LYRM4: variants seen among roughly 807,000 people sequenced by gnomAD.
The protein encoded by LYRM4 is LYR motif-containing protein 4.
In LYRM4, 9 loss-of-function variants were observed where a neutral mutation model predicts 11.7. The observed-to-expected ratio is 0.77, with a 90% CI of 0.46 to 1.34. The LOEUF is 1.34. Ranked by LOEUF, LYRM4 falls within the 40% of genes most tolerant of loss-of-function variation. The probability of loss-of-function intolerance (pLI) is 0.00; values close to 1 mark genes in which losing one functional copy is unlikely to be tolerated. For synonymous variants in LYRM4, 42 were observed against 40.4 expected, an observed-to-expected ratio of 1.04 and a Z score of -0.15; for missense variants, 133 against 112.5, an observed-to-expected ratio of 1.18 and a Z score of -0.82.
the LYRM4 span, among the ~76,000 whole-genome samples, chr6:5,064,175 A>C: frequency 1.3e-5 from 2 of 150,084 alleles, no homozygotes; most frequent in Admixed American, 6.7e-5. Context: ...AGGTTTTTGG[A>C]ATTTTATCCC....
intron 2 of LYRM4, among the ~76,000 whole-genome samples, chr6:5,189,829 A>G (rs1381306530): frequency 6.6e-6 from 1 of 152,230 alleles, no homozygotes; most frequent in Admixed American, 6.5e-5. Context: ...GTTCTCCCCA[A>G]TCCAGGGTTT....
rs201988392 is a variant in LYRM4 at position 5,183,369 on chromosome 6, AT to A, written c.207+33248del. On this transcript the variant is annotated intron_variant, in intron 2 of 2. Coordinates refer to ENST00000330636, the MANE Select transcript of LYRM4 (RefSeq NM_020408.6). ...AATTCTGCAGCTTTCAGTGGCATGC[AT>A]TTTTTTTTATCCTTAGTCAGTGAAA... is the stretch of plus-strand genomic sequence containing the variant. 4.2e-3 allele frequency among the ~76,000 whole-genome samples: 641 copies of A among 151,580 alleles called. 2 individuals carry two copies. Among genetic ancestry groups the A allele is most frequent in the African/African-American group, 0.015 (613 of 41,358 alleles).
At chr6:5,093,781 C>A in the LYRM4 span, among the ~76,000 whole-genome samples, 1 of 152,190 alleles carries the variant, frequency 6.6e-6, no homozygotes, top group Non-Finnish European at 1.5e-5. Flanking sequence ...CAAGGGAGAC[C>A]CAATTTCATG....
intron 1 of LYRM4, among the ~76,000 whole-genome samples, chr6:5,228,054 G>C (rs757074798): frequency 1.4e-4 from 21 of 152,138 alleles, no homozygotes; most frequent in Non-Finnish European, 3.1e-4. Flanking sequence ...AAACCTAGAT[G>C]ATGGGTTGAT....
chr6:5,136,754 T>C (rs1757121991), intron 2 of LYRM4: 1 of 985,454 alleles, frequency 1.0e-6, no homozygotes, highest in Non-Finnish European at 1.2e-6. Context: ...GTAGGAAGAC[T>C]GGGTAGACTT....
At chr6:5,070,964 G>T in the LYRM4 span, among the ~76,000 whole-genome samples, 39,059 of 151,478 alleles carry the variant, frequency 0.26, 5,139 homozygotes, top group Middle Eastern at 0.32. Flanking sequence ...GGCTGAGGTG[G>T]ACGGATCGCG....
intron 2 of LYRM4, among the ~76,000 whole-genome samples, chr6:5,147,790 G>C (rs1254775556): frequency 1.1e-5 from 1 of 93,286 alleles, no homozygotes; most frequent in African/African-American, 3.1e-5. Flanking sequence ...GGGTGAATTA[G>C]GCCCTTCTGT....
intron 2 of LYRM4, among the ~76,000 whole-genome samples, chr6:5,158,473 GTTT>G (rs3055917): frequency 1.0e-4 from 13 of 128,536 alleles, no homozygotes; most frequent in East Asian, 2.3e-4. Flanking sequence ...TGGTCTCCAC[GTTT>G]TTTTTTTTTT....
At chr6:5,128,680 A>C (rs1046222167) in intron 2 of LYRM4, among the ~76,000 whole-genome samples, 8 of 152,050 alleles carry the variant, frequency 5.3e-5, no homozygotes, top group Non-Finnish European at 1.0e-4. Context: ...TGTCTCTTGA[A>C]CCCTCTTACT....
intron 2 of LYRM4, among the ~76,000 whole-genome samples, chr6:5,155,293 C>T (rs1025419744): frequency 2.6e-5 from 4 of 152,150 alleles, no homozygotes; most frequent in Admixed American, 2.6e-4. Flanking sequence ...GTTGGCCAGG[C>T]TGGTCTTGAA....
intron 2 of LYRM4, among the ~76,000 whole-genome samples, chr6:5,189,547 G>A (rs1031152577): frequency 2.0e-5 from 3 of 152,182 alleles, no homozygotes; most frequent in African/African-American, 7.2e-5. Flanking sequence ...CTGGTGCTCT[G>A]ACATGCATTT....
chr6:5,044,611 TC>T, the LYRM4 span, among the ~76,000 whole-genome samples: 1 of 152,194 alleles, frequency 6.6e-6, no homozygotes. Flanking sequence ...TTTCTTTTTT[TC>T]CTTCCTCGGC....
intron 2 of LYRM4, among the ~76,000 whole-genome samples, chr6:5,214,415 G>C (rs901927842): frequency 2.6e-5 from 4 of 152,186 alleles, no homozygotes; most frequent in Admixed American, 6.5e-5. Flanking sequence ...GAGTGCAATG[G>C]AGGGCCTCTG....
chr6:5,101,964 C>CTTTATTTTTTTTTTTTTTTTTTTT (rs1431348110), downstream of LYRM4, among the ~76,000 whole-genome samples: 1 of 36,198 alleles, frequency 2.8e-5, no homozygotes, highest in Non-Finnish European at 6.8e-5. Flanking sequence ...CCAACTAATG[C>CTTTATTTTTTTTTTTTTTTTTTTT]TTTCTTTTTT....
rs1763744194 is a variant in LYRM4 at position 5,127,381 on chromosome 6, G to GCTGAATAATA, written c.208-17891_208-17890insTATTATTCAG. Reference sequence around the variant, plus strand: ...ATTACAGGCATAAGCCACCGTGCCCGGCTGAATAATATACCTTAAATGGGT... The same window carrying GCTGAATAATA: ...ATTACAGGCATAAGCCACCGTGCCCGCTGAATAATAGCTGAATAATATACCTTAAATGGGT... On this transcript the variant is annotated intron_variant, in intron 2 of 2. Coordinates refer to ENST00000330636, the MANE Select transcript of LYRM4 (RefSeq NM_020408.6). 5.3e-5 allele frequency among the ~76,000 whole-genome samples: 8 copies of GCTGAATAATA among 152,088 alleles called. No homozygotes were observed. The East Asian group carries it at 1.5e-3, about 29-fold the overall frequency.
chr6:5,195,737 T>C (rs1761015457), intron 2 of LYRM4, among the ~76,000 whole-genome samples: 1 of 151,998 alleles, frequency 6.6e-6, no homozygotes, highest in Non-Finnish European at 1.5e-5. Flanking sequence ...AAGGGTGGGG[T>C]CACGGTCTCA....
chr6:5,201,097 T>C (rs992956094), intron 2 of LYRM4, among the ~76,000 whole-genome samples: 11 of 152,186 alleles, frequency 7.2e-5, no homozygotes, highest in Admixed American at 2.6e-4. Context: ...ATATTACAAG[T>C]GCTTAGATAA....
intron 2 of LYRM4, among the ~76,000 whole-genome samples, chr6:5,180,323 C>T (rs777980839): frequency 3.3e-5 from 5 of 152,206 alleles, no homozygotes; most frequent in Non-Finnish European, 7.3e-5. Flanking sequence ...ACTGTTATCT[C>T]GTGATTTCCT....
intron 2 of LYRM4, among the ~76,000 whole-genome samples, chr6:5,111,253 T>C (rs1178997340): frequency 6.6e-6 from 1 of 152,228 alleles, no homozygotes; most frequent in East Asian, 1.9e-4. Context: ...TAATTAAAAC[T>C]AGGCTAATAC....
Sources: allele counts gnomAD v4.1 joint callset (sites outside exome capture counted in the v4.1 genomes callset), GRCh38; gene constraint gnomAD v4.1.1; transcripts MANE v1.5; gene names NCBI Gene and HGNC (gene_info 2026-07-23, HGNC 2026-07-21).